Variants in MFSD2A observed in about 807,000 individuals in gnomAD.
The protein encoded by MFSD2A is sodium-dependent lysophosphatidylcholine symporter 1.
MFSD2A carries 27 observed loss-of-function variants against 64.7 expected under a neutral mutation model. The ratio of observed to expected loss-of-function variants is 0.42; its 90% CI spans 0.31 to 0.58. The LOEUF is 0.58. MFSD2A is among the 20% of genes least tolerant of loss of function. The probability of loss-of-function intolerance (pLI) is 0.18; values close to 1 mark genes in which losing one functional copy is unlikely to be tolerated. For missense variants in MFSD2A, 474 were observed against 679.5 expected, an observed-to-expected ratio of 0.70 and a Z score of 3.36; for synonymous variants, 258 against 273.4, an observed-to-expected ratio of 0.94 and a Z score of 0.55.
rs1644971481 is a variant in MFSD2A, at chr1:39,958,399, G to T, written c.229-302G>T. Among the ~76,000 whole-genome samples, 1 of 152,164 alleles carries T rather than the reference G, an allele frequency of 6.6e-6. No homozygotes were observed. Among genetic ancestry groups the T allele is most frequent in the African/African-American group, 2.4e-5 (1 of 41,438 alleles). ...AGGAGCTCAGGGCTGAGAGAGGGAG[G>T]GAAGGAAATGTTTGTGGATTCATTT... is the stretch of plus-strand genomic sequence containing the variant. On this transcript the variant is annotated intron_variant, in intron 2 of 13. Transcript: ENST00000372811. The surrounding 1 kb of genome is among the most constrained non-coding windows in gnomAD (Gnocchi z 4.7).
At chr1:39,967,314 A>T in intron 9 of MFSD2A, 145 bp downstream of exon 9, 1 of 759,964 alleles carries the variant, frequency 1.3e-6, no homozygotes. Context: ...ATTTGGTTGG[A>T]CCTTGCGAAG....
rs201983531 is a variant in MFSD2A at position 39,966,843 on chromosome 1, G to T, written c.838G>T (p.Ala280Ser). ...TGAAGCCCAGCAGTCTGAGCCAATC[G>T]CCTACTTCCGGGGCCTACGGCTGGT... ...PYEAQQSEPI[A>S]YFRGLRLVMS... The change falls in exon 8 of 14, where the codon GCC (alanine) becomes TCC (serine). Residue 280 changes from alanine (A) to serine (S), a missense_variant. By Grantham distance (99) the Ala-to-Ser change is moderately conservative. Coordinates refer to ENST00000372811, the MANE Select transcript of MFSD2A (RefSeq NM_032793.5). 1.2e-6 allele frequency: 2 copies of T among 1,614,012 alleles called. No individual in the cohort carries two copies. The highest frequency in any genetic ancestry group is 2.2e-5 in the East Asian group (1 of 44,868).
intron 2 of MFSD2A, 147 bp downstream of exon 2, chr1:39,957,368 A>G (rs1644953308): frequency 1.2e-6 from 1 of 815,298 alleles, no homozygotes; most frequent in Non-Finnish European, 1.9e-6. Context: ...TGAGCAAGAA[A>G]TGAGAAGACC....
rs1230571130 is a variant in MFSD2A at position 39,958,116 on chromosome 1, C to T, written c.229-585C>T. Among the ~76,000 whole-genome samples, 1 of 142,956 alleles carries T rather than the reference C, an allele frequency of 7.0e-6. No homozygotes were observed. Among genetic ancestry groups the T allele is most frequent in the Non-Finnish European group, 1.5e-5 (1 of 66,518 alleles). The allele number at this position is 142,956 out of a possible 152,430, so 93.8% of individuals were successfully genotyped here. Reference sequence around the variant, plus strand: ...GAATACCCACTCCCCAGAGAAATAGCAATAGCAGGGCTTTGATGGATAAGG... The same window carrying T: ...GAATACCCACTCCCCAGAGAAATAGTAATAGCAGGGCTTTGATGGATAAGG... On this transcript the variant is annotated intron_variant, in intron 2 of 13. Coordinates refer to ENST00000372811, the MANE Select transcript of MFSD2A (RefSeq NM_032793.5). This position sits in a 1 kb window ranked among gnomAD's most constrained non-coding sequence, Gnocchi z 4.7.
In MFSD2A at chr1:39,963,255, G is replaced by C; in HGVS notation, c.354-1956G>C. ...CTGCACTGCCACCCTGGGCAGCTTT[G>C]CCAAGGGCACCTTTGATGCCATCTC... On this transcript the variant is annotated intron_variant, in intron 3 of 13. Transcript: ENST00000372811. The surrounding 1 kb of genome is among the most constrained non-coding windows in gnomAD (Gnocchi z 4.2). 2 of 1,507,022 alleles carry C rather than the reference G, an allele frequency of 1.3e-6. No homozygotes were observed. The allele number at this position is 1,507,022 out of a possible 1,614,324, so 93.4% of individuals were successfully genotyped here. A position where few individuals can be genotyped will look rare whatever the true frequency, so the allele number is the denominator to read the frequency against.
chr1:39,962,186 G>A (rs975824543), intron 3 of MFSD2A, among the ~76,000 whole-genome samples: 3 of 151,818 alleles, frequency 2.0e-5, no homozygotes, highest in South Asian at 2.1e-4. Flanking sequence ...CTCTTTACTC[G>A]AGCCCTCCTG....
In MFSD2A at chr1:39,955,237, T is replaced by C; in HGVS notation, c.-56T>C. On this transcript the variant is annotated 5_prime_UTR_variant, in exon 1 of 14. Transcript: ENST00000372811. The surrounding 1 kb of genome is among the most constrained non-coding windows in gnomAD (Gnocchi z 5.9). Reference sequence around the variant, plus strand: ...AGCGAGCTTGGGAGGAGCAGCGGCCTGCGGGGCAGAGGAGCATCCCGTCTA... The same window carrying C: ...AGCGAGCTTGGGAGGAGCAGCGGCCCGCGGGGCAGAGGAGCATCCCGTCTA... The C allele has an allele frequency of 2.3e-6, 3 of 1,314,844 alleles. No individual in the cohort carries two copies. Among genetic ancestry groups the C allele is most frequent in the Middle Eastern group, 5.6e-4 (2 of 3,548 alleles). The allele number at this position is 1,314,844 out of a possible 1,614,324, so 81.4% of individuals were successfully genotyped here.
intron 7 of MFSD2A, 44 bp from the exon 8 acceptor site, chr1:39,966,767 G>C: frequency 6.2e-7 from 1 of 1,613,810 alleles, no homozygotes; most frequent in Non-Finnish European, 8.5e-7. Flanking sequence ...TCAGGCTTTG[G>C]GAGGGGTCTC....
intron 1 of MFSD2A, among the ~76,000 whole-genome samples, 159 bp from the exon 2 acceptor site, chr1:39,956,915 CAAAAAAAAAAAAA>C (rs34385828): frequency 1.7e-4 from 6 of 35,378 alleles, no homozygotes; most frequent in Admixed American, 1.3e-3. Flanking sequence ...GACTCTGTCT[CAAAAAAAAAAAAA>C]AAAAAAAAAA....
rs905434429 is a variant in MFSD2A at position 39,960,530 on chromosome 1, G to A, written c.353+1705G>A. Among the ~76,000 whole-genome samples the A allele has an allele frequency of 4.6e-5, 7 of 152,370 alleles. No homozygotes were observed. Among genetic ancestry groups the A allele is most frequent in the South Asian group, 2.1e-4 (1 of 4,834 alleles). ...GCCCGTGAGACTTGGCCCTGTGCCCGCCTCCCTGGCAGCCAGTAGAAGGGG... is the reference window on the plus strand; with the variant it reads ...GCCCGTGAGACTTGGCCCTGTGCCCACCTCCCTGGCAGCCAGTAGAAGGGG... On this transcript the variant is annotated intron_variant, in intron 3 of 13. Coordinates refer to ENST00000372811, the MANE Select transcript of MFSD2A (RefSeq NM_032793.5). The surrounding 1 kb of genome is among the most constrained non-coding windows in gnomAD (Gnocchi z 4.8).
intron 6 of MFSD2A, 68 bp from the exon 7 acceptor site, chr1:39,966,533 G>A: frequency 1.5e-6 from 2 of 1,305,892 alleles, no homozygotes; most frequent in Non-Finnish European, 1.1e-6. Context: ...GAGTGGGGCT[G>A]CTGGAACTGG....
In MFSD2A at chr1:39,969,525, G is replaced by A. The variant is rs775463792; in HGVS notation, c.1550G>A (p.Gly517Asp). The A allele has an allele frequency of 6.3e-7, 1 of 1,597,538 alleles. No individual in the cohort carries two copies. Among genetic ancestry groups the A allele is most frequent in the South Asian group, 1.1e-5 (1 of 88,990 alleles). Residue 517 changes from glycine to aspartate, a missense_variant, in exon 14 of 14, where the codon GGC becomes GAC. By Grantham distance (94) the Gly-to-Asp change is moderately conservative (BLOSUM62 -1). Transcript: ENST00000372811. Reference sequence around the variant, plus strand: ...TGCAGGGACGAGGCCAGCAGCTCTGGCTGCTCAGAAACAGACTCCACAGAG... The same window carrying A: ...TGCAGGGACGAGGCCAGCAGCTCTGACTGCTCAGAAACAGACTCCACAGAG... ...QALRDEASSS[G>D]CSETDSTELA...
chr1:39,961,318 CCGCCCCCG>C (rs1645036001), intron 3 of MFSD2A, among the ~76,000 whole-genome samples: 1 of 5,902 alleles, frequency 1.7e-4, no homozygotes, highest in African/African-American at 4.1e-4. Flanking sequence ...ACTTTTCTTC[CCGCCCCCG>C]CCCCCCCCCC....
In MFSD2A at chr1:39,964,697, G is replaced by A. The variant is rs1645116431; in HGVS notation, c.354-514G>A. On this transcript the variant is annotated intron_variant, in intron 3 of 13. Coordinates refer to ENST00000372811, the MANE Select transcript of MFSD2A (RefSeq NM_032793.5). This position sits in a 1 kb window ranked among gnomAD's most constrained non-coding sequence, Gnocchi z 4.1. ...TGTGTGAAGTGTGTATGTGAATGGG[G>A]GTGTGTGTGAATGGGGTGTGTGTGT... 6.3e-6 allele frequency: 1 copy of A among 158,280 alleles called. No homozygotes were observed. The highest frequency in any genetic ancestry group is 1.4e-5 in the Non-Finnish European group (1 of 71,826). The allele number at this position is 158,280 out of a possible 1,614,324, so 9.8% of individuals were successfully genotyped here. A position where few individuals can be genotyped will look rare whatever the true frequency, so the allele number is the denominator to read the frequency against.
rs1645008149 is a variant in MFSD2A at position 39,960,277 on chromosome 1, GGGC to G, written c.353+1454_353+1456del. Among the ~76,000 whole-genome samples, 1 of 152,218 alleles carries G rather than the reference GGGC, an allele frequency of 6.6e-6. No homozygotes were observed. Among genetic ancestry groups the G allele is most frequent in the African/African-American group, 2.4e-5 (1 of 41,464 alleles). ...ATCTCCAGCCCATCCAGGCTTAAGTGGGCGCCTTCCTGCCCCAGGGGCGCCCAT... is the reference window on the plus strand; with the variant it reads ...ATCTCCAGCCCATCCAGGCTTAAGTGGCCTTCCTGCCCCAGGGGCGCCCAT... On this transcript the variant is annotated intron_variant, in intron 3 of 13. Transcript: ENST00000372811. This position sits in a 1 kb window ranked among gnomAD's most constrained non-coding sequence, Gnocchi z 4.8.
Position 39,967,880 on chromosome 1 carries a change from C to G in MFSD2A, c.1172C>G (p.Ala391Gly), listed in dbSNP as rs199769368. Residue 391 changes from alanine to glycine, a missense_variant, in exon 11 of 14, where the codon GCT becomes GGT. By Grantham distance (60) the Ala-to-Gly change is moderately conservative. Coordinates refer to ENST00000372811, the MANE Select transcript of MFSD2A (RefSeq NM_032793.5). The stretch of plus-strand genomic sequence containing the variant: ...ATTACATATGCGGTAGCTGTGGCAG[C>G]TGGCATCAGTGTGGCAGCTGCCTTC... ...LIITYAVAVA[A>G]GISVAAAFLL... is the part of the protein sequence containing the mutation. 1.4e-4 allele frequency: 226 copies of G among 1,613,690 alleles called. 1 individual carries two copies. Among genetic ancestry groups the G allele is most frequent in the Non-Finnish European group, 1.8e-4 (215 of 1,179,838 alleles).
chr1:39,961,432 TC>T (rs998174175), intron 3 of MFSD2A, among the ~76,000 whole-genome samples: 3 of 145,560 alleles, frequency 2.1e-5, no homozygotes, highest in African/African-American at 7.7e-5. Context: ...CACAGCAAGC[TC>T]CACCTCCTGG....
At position 39,965,556 on chromosome 1, in the gene MFSD2A, C is replaced by T; in HGVS notation, c.556+7C>T. ...GATTCTGCCACCGCCTATCGTGAGTCTCCCCAGCCCACCTGACCCCACCCT... is the reference window on the plus strand; with the variant it reads ...GATTCTGCCACCGCCTATCGTGAGTTTCCCCAGCCCACCTGACCCCACCCT... On this transcript the variant is annotated splice_region_variant and intron_variant, in intron 5 of 13. Transcript: ENST00000372811. This position sits in a 1 kb window ranked among gnomAD's most constrained non-coding sequence, Gnocchi z 5.5. The T allele has an allele frequency of 6.2e-7, 1 of 1,614,010 alleles. No homozygotes were observed.
At position 39,966,817 on chromosome 1, in the gene MFSD2A, A is replaced by G. The variant is rs867743059; in HGVS notation, c.812A>G (p.Tyr271Cys). 3 of 1,614,044 alleles carry G rather than the reference A, an allele frequency of 1.9e-6. No individual in the cohort carries two copies. Among genetic ancestry groups the G allele is most frequent in the Non-Finnish European group, 2.5e-6 (3 of 1,179,988 alleles). Residue 271 changes from tyrosine (Y) to cysteine (C), a missense_variant, in exon 8 of 14, where the codon TAT (tyrosine) becomes TGT (cysteine). By Grantham distance (194) the Tyr-to-Cys change is radical (BLOSUM62 -2). Transcript: ENST00000372811. ...ILGVREQREP[Y>C]EAQQSEPIAY... ...TGTCCGCTCTGGCCCCCAGAACCCTATGAAGCCCAGCAGTCTGAGCCAATC... is the reference window on the plus strand; with the variant it reads ...TGTCCGCTCTGGCCCCCAGAACCCTGTGAAGCCCAGCAGTCTGAGCCAATC...
Sources: gnomAD v4.1 joint callset for allele counts (sites outside exome capture counted in the v4.1 genomes callset) on GRCh38, gnomAD v4.1.1 for gene constraint, Gnocchi (gnomAD v3.1) non-coding constraint, MANE v1.5 for transcripts, NCBI Gene and HGNC (gene_info 2026-07-23, HGNC 2026-07-21) for gene names.